OASL: variants seen among roughly 807,000 people sequenced by gnomAD.
OASL encodes the protein 2'-5'-oligoadenylate synthetase like, also known as 2'-5'-oligoadenylate synthase-like protein.
Under a neutral mutation model 35.3 loss-of-function variants are expected in OASL, and 28 were observed. The observed-to-expected ratio is 0.79, with a 90% CI of 0.59 to 1.09. OASL has a LOEUF of 1.09. OASL is among the 50% of genes least tolerant of loss of function. The pLI, the probability that OASL is intolerant of heterozygous loss-of-function variation, is 0.00. For synonymous variants in OASL, 252 were observed against 254.6 expected, an observed-to-expected ratio of 0.99 and a Z score of 0.10; for missense variants, 620 against 635.2, an observed-to-expected ratio of 0.98 and a Z score of 0.26.
chr12:121,035,942 C>T (rs907180013), intron 1 of OASL, among the ~76,000 whole-genome samples: 14 of 152,198 alleles, frequency 9.2e-5, no homozygotes, highest in Non-Finnish European at 1.5e-4. Flanking sequence ...ACTGAAGCCT[C>T]GACCTCCTGG....
Position 121,039,064 on chromosome 12 carries a change from C to T in OASL, c.-93G>A. 7 of 1,009,180 alleles carry T rather than the reference C, an allele frequency of 6.9e-6. No homozygotes were observed. The South Asian group carries it at 1.0e-4, about 14-fold the overall frequency. The allele number at this position is 1,009,180 out of a possible 1,614,324, so 62.5% of individuals were successfully genotyped here. A position where few individuals can be genotyped will look rare whatever the true frequency, so the allele number is the denominator to read the frequency against. On this transcript the variant is annotated 5_prime_UTR_variant, in exon 1 of 6. Coordinates refer to ENST00000257570, the Ensembl canonical transcript of OASL. Reference sequence around the variant, plus strand: ...ACCTCCTTTTTTAAGGTAGCTCCTCCTCAGCTGCCCTCCAGTGCTCTGTGG... The same window carrying T: ...ACCTCCTTTTTTAAGGTAGCTCCTCTTCAGCTGCCCTCCAGTGCTCTGTGG...
chr12:121,031,438 T>A lies in OASL; in HGVS notation c.657+4A>T, dbSNP rs751269549. The stretch of plus-strand genomic sequence containing the variant: ...TGCCCCTGCCATCCTGGCAGCCCCC[T>A]CACCTGCTGGTACCAGTGTTTCACC... On this transcript the variant is annotated splice_donor_region_variant and intron_variant, in intron 3 of 5. Transcript: ENST00000257570. 3.2e-5 allele frequency: 52 copies of A among 1,612,410 alleles called. No individual in the cohort carries two copies. The Admixed American group carries it at 8.7e-4, about 27-fold the overall frequency.
chr12:121,034,323 T>C (rs1342996656), intron 1 of OASL, among the ~76,000 whole-genome samples: 3 of 152,008 alleles, frequency 2.0e-5, no homozygotes, highest in Admixed American at 2.0e-4. Context: ...TGCGCCACCA[T>C]GCCTGGCTAA....
chr12:121,022,824 A>T (rs1869302062), intron 5 of OASL, among the ~76,000 whole-genome samples: 1 of 152,074 alleles, frequency 6.6e-6, no homozygotes, highest in Admixed American at 6.5e-5. Flanking sequence ...TTCTCTGGTG[A>T]CTTCAGTTAA....
intron 4 of OASL, among the ~76,000 whole-genome samples, chr12:121,026,644 G>C (rs1230359962): frequency 6.6e-6 from 1 of 152,196 alleles, no homozygotes; most frequent in Non-Finnish European, 1.5e-5. Context: ...CTGAGGTCAG[G>C]AGTTTGAGAC....
chr12:121,020,600 G>A, exon 6 of OASL: 1 of 1,608,528 alleles, frequency 6.2e-7, no homozygotes, highest in Non-Finnish European at 8.5e-7. Flanking sequence ...TCTTCTTCGA[G>A]AGGATGAGAG....
chr12:121,029,735 C>A (rs556294710), intron 3 of OASL, among the ~76,000 whole-genome samples: 4 of 151,990 alleles, frequency 2.6e-5, no homozygotes, highest in Non-Finnish European at 5.9e-5. Context: ...TAACTTTTTG[C>A]AAATTCATCC....
chr12:121,034,294 G>A (rs1869867559), intron 1 of OASL, among the ~76,000 whole-genome samples: 1 of 151,672 alleles, frequency 6.6e-6, no homozygotes, highest in Non-Finnish European at 1.5e-5. Context: ...AGTCTCCCAA[G>A]TAGCTAGGAC....
chr12:121,036,365 A>G (rs750261562), intron 1 of OASL, among the ~76,000 whole-genome samples: 1 of 152,184 alleles, frequency 6.6e-6, no homozygotes, highest in Admixed American at 6.5e-5. Flanking sequence ...TCTAAATAAG[A>G]TATATTATTC....
rs1222286958 is a variant in OASL, at chr12:121,033,450, C to T, written c.481+11G>A. ...AAGTGTGTGAGTCGGGTGAGCTTCC[C>T]CTCCCCTTACCCAGGGCTCTGTAGG... On this transcript the variant is annotated intron_variant, in intron 2 of 5. Transcript: ENST00000257570. The T allele has an allele frequency of 3.1e-6, 5 of 1,602,550 alleles. No individual in the cohort carries two copies. In the African/African-American group the frequency reaches 4.0e-5, roughly 13 times the overall value.
Position 121,020,642 on chromosome 12 carries a change from ACCCAACCAGTCCTGCAG to A in OASL, c.1447_1463del (p.Leu483SerfsTer10). On this transcript the variant is annotated frameshift_variant, in exon 6 of 6. Transcript: ENST00000257570. LOFTEE classifies it low-confidence loss of function (END_TRUNC). ...TGTCTTGGATGCCATAGATCCCCAGACCCAACCAGTCCTGCAGGACTTGGCCTTGGAATTCCAGCTGC... is the reference window on the plus strand; with the variant it reads ...TGTCTTGGATGCCATAGATCCCCAGAGACTTGGCCTTGGAATTCCAGCTGC... The A allele has an allele frequency of 6.2e-7, 1 of 1,614,046 alleles. No individual in the cohort carries two copies. The highest frequency in any genetic ancestry group is 8.5e-7 in the Non-Finnish European group (1 of 1,179,986).
exon 3 of OASL, chr12:121,031,531 A>T: frequency 1.2e-6 from 2 of 1,614,120 alleles, no homozygotes; most frequent in Non-Finnish European, 1.7e-6. Context: ...TCGCTGAAGG[A>T]TGGGCAGAAA....
chr12:121,024,649 G>A (rs1460766973), intron 4 of OASL, among the ~76,000 whole-genome samples: 1 of 152,028 alleles, frequency 6.6e-6, no homozygotes, highest in African/African-American at 2.4e-5. Context: ...TTGGGATAGT[G>A]CCTTAAGTGT....
At chr12:121,033,709 C>G in exon 2 of OASL, 1 of 1,613,840 alleles carries the variant, frequency 6.2e-7, no homozygotes, top group Non-Finnish European at 8.5e-7. Context: ...CTCTCTGGTG[C>G]TCCTGAGAAC....
At chr12:121,038,583 A>G (rs567717463) in intron 1 of OASL, among the ~76,000 whole-genome samples, 191 bp downstream of exon 1, 1 of 152,336 alleles carries the variant, frequency 6.6e-6, no homozygotes, top group East Asian at 1.9e-4. Context: ...AATGTGAGCT[A>G]TTATTACTAG....
intron 3 of OASL, among the ~76,000 whole-genome samples, chr12:121,029,921 A>C (rs1167282347): frequency 6.6e-6 from 1 of 152,148 alleles, no homozygotes; most frequent in Non-Finnish European, 1.5e-5. Context: ...CTTAGTGAAT[A>C]GATAAAAAAA....
At chr12:121,028,231 G>A (rs776605252) in intron 3 of OASL, among the ~76,000 whole-genome samples, 32 of 152,196 alleles carry the variant, frequency 2.1e-4, no homozygotes, top group Non-Finnish European at 3.5e-4. Flanking sequence ...AGTGAAGATT[G>A]GGGTTGCCTC....
chr12:121,021,330 C>T (rs1806333571), intron 5 of OASL, among the ~76,000 whole-genome samples: 1 of 152,192 alleles, frequency 6.6e-6, no homozygotes, highest in Non-Finnish European at 1.5e-5. Context: ...AGGTAATTTA[C>T]TGAACACCAA....
At chr12:121,027,931 G>T in intron 3 of OASL, 114 bp from the exon 4 acceptor site, 1 of 851,392 alleles carries the variant, frequency 1.2e-6, no homozygotes, top group Non-Finnish European at 1.9e-6. Context: ...GCTGCCTACT[G>T]GCTGTGTGAC....
Sources: allele counts gnomAD v4.1 joint callset (sites outside exome capture counted in the v4.1 genomes callset), GRCh38; gene constraint gnomAD v4.1.1; transcripts MANE v1.5; gene names NCBI Gene and HGNC (gene_info 2026-07-23, HGNC 2026-07-21).